RALGPS2: variants seen among roughly 807,000 people sequenced by gnomAD.
The protein encoded by RALGPS2 is ras-specific guanine nucleotide-releasing factor RalGPS2.
RALGPS2 carries 43 observed loss-of-function variants against 86.8 expected under a neutral mutation model. That is an observed-to-expected ratio of 0.50 (90% CI 0.39 to 0.64). The LOEUF is 0.64. Ranked by LOEUF, RALGPS2 falls within the 30% of genes least tolerant of loss-of-function variation. RALGPS2 has a pLI of 0.00. For missense variants in RALGPS2, 536 were observed against 694.6 expected, an observed-to-expected ratio of 0.77 and a Z score of 2.57; for synonymous variants, 243 against 231.3, an observed-to-expected ratio of 1.05 and a Z score of -0.46.
chr1:178,897,976 T>C (rs991357487), intron 17 of RALGPS2, among the ~76,000 whole-genome samples: 1 of 152,052 alleles, frequency 6.6e-6, no homozygotes, highest in Non-Finnish European at 1.5e-5. Context: ...ATCAAAGCTT[T>C]CTCAAATCTG....
Position 178,897,753 on chromosome 1 carries a change from A to G in RALGPS2, c.1521A>G (p.Lys507=). 1 of 1,607,798 alleles carries G rather than the reference A, an allele frequency of 6.2e-7. No homozygotes were observed. Among genetic ancestry groups the G allele is most frequent in the South Asian group, 1.1e-5 (1 of 90,904 alleles). The part of the protein sequence containing the change: ...AAKSLKATER[K]HFKSTSNKNV... The stretch of plus-strand genomic sequence containing the variant: ...AATCTCTAAAGGCTACCGAAAGAAA[A>G]CATGTAAGTATTTGTTCTCTACATT... Residue 507 remains lysine (K), a synonymous_variant, in exon 17 of 20, where the codon AAA becomes AAG. Coordinates refer to ENST00000367635, the MANE Select transcript of RALGPS2 (RefSeq NM_152663.5).
At chr1:178,912,663 T>C (rs2102421697) in intron 19 of RALGPS2, among the ~76,000 whole-genome samples, 1 of 152,288 alleles carries the variant, frequency 6.6e-6, no homozygotes, top group Non-Finnish European at 1.5e-5. Context: ...GTCTTGGGGA[T>C]GCTCATCTTG....
intron 8 of RALGPS2, among the ~76,000 whole-genome samples, chr1:178,868,017 G>A (rs1402244011): frequency 1.3e-5 from 2 of 151,914 alleles, no homozygotes; most frequent in African/African-American, 4.8e-5. Flanking sequence ...TAACAAGAGA[G>A]GGAATGAAAA....
intron 1 of RALGPS2, among the ~76,000 whole-genome samples, chr1:178,729,684 G>A (rs1197903272): frequency 1.3e-5 from 2 of 152,120 alleles, no homozygotes; most frequent in Non-Finnish European, 2.9e-5. Flanking sequence ...TAAATATTTG[G>A]ATTTGGGATG....
At chr1:178,768,928 GAGCAGAGATAGCC>G (rs1408203213) in intron 1 of RALGPS2, among the ~76,000 whole-genome samples, 1 of 152,214 alleles carries the variant, frequency 6.6e-6, no homozygotes, top group African/African-American at 2.4e-5. Flanking sequence ...CCTGGGCATG[GAGCAGAGATAGCC>G]ACCCATGCAC....
rs1660901674 is a variant in RALGPS2 at position 178,919,080 on chromosome 1, G to A, written c.*2721G>A. The A allele has an allele frequency of 1.3e-5, 2 of 152,030 alleles. No individual in the cohort carries two copies. The highest frequency in any genetic ancestry group is 2.9e-5 in the Non-Finnish European group (2 of 67,940). 9.4% of individuals were successfully genotyped at this position (152,030 alleles called of 1,614,324 possible). A position where few individuals can be genotyped will look rare whatever the true frequency, so the allele number is the denominator to read the frequency against. Reference sequence around the variant, plus strand: ...AGCCTGTTGAAAATAACTACAGAATGACCTTCCAGAGCACTGTTTTTGGCC... The same window carrying A: ...AGCCTGTTGAAAATAACTACAGAATAACCTTCCAGAGCACTGTTTTTGGCC... On this transcript the variant is annotated 3_prime_UTR_variant, in exon 20 of 20. Transcript: ENST00000367635.
intron 17 of RALGPS2, among the ~76,000 whole-genome samples, chr1:178,899,785 G>A (rs910416502): frequency 2.0e-5 from 3 of 151,682 alleles, no homozygotes; most frequent in Non-Finnish European, 4.4e-5. Flanking sequence ...AGTAAGGGCA[G>A]GGGGACAGGA....
rs748652133 is a variant in RALGPS2, at chr1:178,815,066, TTTTG to T, written c.387+3674_387+3677del. Among the ~76,000 whole-genome samples, 297 of 152,134 alleles carry T rather than the reference TTTTG, an allele frequency of 2.0e-3. 5 individuals are homozygous for T. The highest frequency in any genetic ancestry group is 0.01 in the Middle Eastern group (3 of 294). ...TCTTTTATTGTGTGTGTTTTGGTTT[TTTTG>T]TTTGTTTGTTTTTATTTATTTATTT... On this transcript the variant is annotated intron_variant, in intron 6 of 19. Coordinates refer to ENST00000367635, the MANE Select transcript of RALGPS2 (RefSeq NM_152663.5).
intron 8 of RALGPS2, chr1:178,870,653 TAA>T (rs965670406): frequency 6.6e-6 from 1 of 152,330 alleles, no homozygotes; most frequent in African/African-American, 2.4e-5. Context: ...CTTTGTTTAG[TAA>T]AAGATTCTGA....
intron 7 of RALGPS2, among the ~76,000 whole-genome samples, chr1:178,832,912 A>T (rs887329582): frequency 3.9e-5 from 6 of 152,064 alleles, no homozygotes; most frequent in African/African-American, 1.4e-4. Flanking sequence ...ATCAAAGAGA[A>T]GAAAATATCA....
chr1:178,817,626 T>C (rs1007277447), intron 6 of RALGPS2, among the ~76,000 whole-genome samples: 6 of 152,326 alleles, frequency 3.9e-5, no homozygotes, highest in Middle Eastern at 3.4e-3. Flanking sequence ...TGTGGAAATT[T>C]TAGAAGTAGC....
intron 1 of RALGPS2, chr1:178,746,695 C>G: frequency 1.3e-6 from 1 of 774,462 alleles, no homozygotes; most frequent in South Asian, 1.3e-5. Context: ...AGGTATCTGT[C>G]AATCTTGGCC....
chr1:178,781,050 A>G (rs1653370339), intron 2 of RALGPS2, among the ~76,000 whole-genome samples: 1 of 151,868 alleles, frequency 6.6e-6, no homozygotes, highest in African/African-American at 2.4e-5. Flanking sequence ...TTTTAACTAT[A>G]TATCCAGAAA....
chr1:178,754,956 T>C lies in RALGPS2; in HGVS notation c.-83-21726T>C, dbSNP rs539131149. On this transcript the variant is annotated intron_variant, in intron 1 of 19. Coordinates refer to ENST00000367635, the MANE Select transcript of RALGPS2 (RefSeq NM_152663.5). ...CTGGAACTACAGGCATATGCCACCATGCCTGGCTGATTTTTGTGTTTTTAG... is the reference window on the plus strand; with the variant it reads ...CTGGAACTACAGGCATATGCCACCACGCCTGGCTGATTTTTGTGTTTTTAG... Among the ~76,000 whole-genome samples the C allele has an allele frequency of 3.7e-4, 57 of 152,266 alleles. No individual in the cohort carries two copies. The East Asian group carries it at 0.011, about 28-fold the overall frequency.
intron 1 of RALGPS2, among the ~76,000 whole-genome samples, chr1:178,737,515 G>A (rs139043954): frequency 6.6e-6 from 1 of 152,062 alleles, no homozygotes; most frequent in African/African-American, 2.4e-5. Flanking sequence ...CAAAGTGCTG[G>A]GATTACAGGC....
intron 8 of RALGPS2, among the ~76,000 whole-genome samples, chr1:178,866,613 G>A (rs183979201): frequency 1.1e-3 from 160 of 152,146 alleles, no homozygotes; most frequent in African/African-American, 3.5e-3. Flanking sequence ...CATTACCAAG[G>A]AAAGAAACTT....
At chr1:178,725,525 GT>G (rs1649922427) in intron 1 of RALGPS2, 106 bp downstream of exon 1, 1 of 152,912 alleles carries the variant, frequency 6.5e-6, no homozygotes, top group African/African-American at 2.4e-5. Context: ...GCGCTGCGGA[GT>G]GTGGCTCTCC....
intron 4 of RALGPS2, among the ~76,000 whole-genome samples, chr1:178,804,212 C>T (rs1294063065): frequency 6.7e-6 from 1 of 149,746 alleles, no homozygotes; most frequent in East Asian, 1.9e-4. Context: ...CAACCTCGAT[C>T]CTGGAGCTCC....
chr1:178,850,116 G>A (rs942014721), intron 8 of RALGPS2: 1 of 152,626 alleles, frequency 6.6e-6, no homozygotes, highest in Non-Finnish European at 1.5e-5. Flanking sequence ...CTGCTCTGGA[G>A]CTGTTGAATT....
Sources: gnomAD v4.1 joint callset for allele counts (sites outside exome capture counted in the v4.1 genomes callset) on GRCh38, gnomAD v4.1.1 for gene constraint, MANE v1.5 for transcripts, NCBI Gene and HGNC (gene_info 2026-07-23, HGNC 2026-07-21) for gene names.